Variants in FAM135A observed in about 807,000 individuals in gnomAD.
The protein encoded by FAM135A is family with sequence similarity 135 member A.
Under a neutral mutation model 146.8 loss-of-function variants are expected in FAM135A, and 79 were observed. That is an observed-to-expected ratio of 0.54 (90% confidence interval 0.45 to 0.65). The LOEUF (loss-of-function observed/expected upper bound fraction) is 0.65. FAM135A is among the 30% of genes least tolerant of loss of function. The pLI is 0.00. For synonymous variants in FAM135A, 562 were observed against 603.6 expected, an observed-to-expected ratio of 0.93 and a Z score of 1.01; for missense variants, 1,623 against 1,758.2, an observed-to-expected ratio of 0.92 and a Z score of 1.38.
chr6:70,543,335 T>G (rs1468339241), intron 20 of FAM135A, among the ~76,000 whole-genome samples: 1 of 152,174 alleles, frequency 6.6e-6, no homozygotes, highest in Admixed American at 6.5e-5. Flanking sequence ...TATTAATAGA[T>G]TTAGTTATTG....
intron 4 of FAM135A, among the ~76,000 whole-genome samples, chr6:70,451,368 T>G: frequency 6.6e-6 from 1 of 152,212 alleles, no homozygotes; most frequent in South Asian, 2.1e-4. Flanking sequence ...TGATCTTTAG[T>G]CAAAACCCTT....
intron 20 of FAM135A, among the ~76,000 whole-genome samples, chr6:70,538,952 A>G (rs752970000): frequency 2.8e-5 from 4 of 141,410 alleles, no homozygotes; most frequent in African/African-American, 7.6e-5. Context: ...CTTATTACTT[A>G]TTTTTTATTA....
chr6:70,528,206 C>G lies in FAM135A; in HGVS notation c.3615-86C>G, dbSNP rs577006719. On this transcript the variant is annotated intron_variant, in intron 15 of 21. Coordinates refer to ENST00000418814, the MANE Select transcript of FAM135A (RefSeq NM_001162529.3). ...TTTAAAACCAAATATTGTTGGGTTTCCACTTCTACAATTCTCTAAATTCAG... is the reference window on the plus strand; with the variant it reads ...TTTAAAACCAAATATTGTTGGGTTTGCACTTCTACAATTCTCTAAATTCAG... The G allele has an allele frequency of 1.3e-4, 176 of 1,310,684 alleles. No homozygotes were observed. The East Asian group carries it at 4.1e-3, about 30-fold the overall frequency. The allele number at this position is 1,310,684 out of a possible 1,614,324, so 81.2% of individuals were successfully genotyped here.
At chr6:70,518,023 G>A (rs1216124934) in intron 12 of FAM135A, among the ~76,000 whole-genome samples, 2 of 152,164 alleles carry the variant, frequency 1.3e-5, no homozygotes, top group Non-Finnish European at 2.9e-5. Flanking sequence ...TCAGAAGCTC[G>A]AGATGATTAA....
intron 4 of FAM135A, among the ~76,000 whole-genome samples, chr6:70,439,339 C>G (rs1429425270): frequency 6.6e-6 from 1 of 152,064 alleles, no homozygotes; most frequent in Non-Finnish European, 1.5e-5. Flanking sequence ...TGAATTGAAC[C>G]TTTTATCATT....
chr6:70,477,047 G>A (rs554748650), intron 7 of FAM135A, 112 bp from the exon 8 acceptor site: 18 of 1,160,894 alleles, frequency 1.6e-5, no homozygotes, highest in Admixed American at 3.2e-5. Context: ...ACTCTTATTC[G>A]AAATTTTTAA....
chr6:70,517,963 A>G (rs1402632135), intron 12 of FAM135A, among the ~76,000 whole-genome samples: 2 of 152,144 alleles, frequency 1.3e-5, no homozygotes, highest in Non-Finnish European at 2.9e-5. Context: ...ATATGCAATG[A>G]TCTCTAAGTG....
intron 5 of FAM135A, among the ~76,000 whole-genome samples, chr6:70,474,960 T>C (rs188700785): frequency 6.6e-6 from 1 of 152,238 alleles, no homozygotes; most frequent in Non-Finnish European, 1.5e-5. Context: ...TAGCATAAAC[T>C]AGGGGCCACC....
chr6:70,442,715 A>G (rs1182704759), intron 4 of FAM135A, among the ~76,000 whole-genome samples: 1 of 151,288 alleles, frequency 6.6e-6, no homozygotes, highest in African/African-American at 2.4e-5. Context: ...TTCGGGTGGT[A>G]ACACCTGAAT....
chr6:70,516,018 G>A (rs1458881984), intron 12 of FAM135A, among the ~76,000 whole-genome samples: 1 of 152,038 alleles, frequency 6.6e-6, no homozygotes, highest in East Asian at 1.9e-4. Flanking sequence ...TATCTCGATT[G>A]TAGATTATAT....
intron 5 of FAM135A, among the ~76,000 whole-genome samples, chr6:70,464,339 TATTAA>T (rs1315209414): frequency 6.6e-6 from 1 of 152,246 alleles, no homozygotes; most frequent in Non-Finnish European, 1.5e-5. Flanking sequence ...GGAAATAGGA[TATTAA>T]ATTAAGAAGT....
intron 2 of FAM135A, among the ~76,000 whole-genome samples, chr6:70,425,728 C>T (rs1769925445): frequency 6.6e-6 from 1 of 152,204 alleles, no homozygotes; most frequent in Non-Finnish European, 1.5e-5. Context: ...CACATACATA[C>T]ATATATGCAT....
chr6:70,453,138 C>T (rs893923610), intron 5 of FAM135A, among the ~76,000 whole-genome samples: 1 of 152,058 alleles, frequency 6.6e-6, no homozygotes, highest in African/African-American at 2.4e-5. Flanking sequence ...CATTTTTCAG[C>T]TTTCCCAATG....
At chr6:70,526,955 G>A (rs1420124180) in intron 15 of FAM135A, among the ~76,000 whole-genome samples, 2 of 152,010 alleles carry the variant, frequency 1.3e-5, no homozygotes. Context: ...GTTGCTGAAT[G>A]ATCGTGCTGT....
rs150168057 is a variant in FAM135A, at chr6:70,510,120, G to A, written c.1029+7329G>A. 5.2e-3 allele frequency among the ~76,000 whole-genome samples: 785 copies of A among 152,096 alleles called. 5 individuals carry two copies. Among genetic ancestry groups the A allele is most frequent in the South Asian group, 0.035 (169 of 4,828 alleles). Reference sequence around the variant, plus strand: ...ATAAAAAAATACTGTAGAACACTAAGTATGCTGCCGTTGGTCTAATAGCTA... The same window carrying A: ...ATAAAAAAATACTGTAGAACACTAAATATGCTGCCGTTGGTCTAATAGCTA... On this transcript the variant is annotated intron_variant, in intron 12 of 21. Transcript: ENST00000418814.
chr6:70,540,406 G>A (rs369370780), intron 20 of FAM135A, among the ~76,000 whole-genome samples: 410 of 139,458 alleles, frequency 2.9e-3, no homozygotes, highest in African/African-American at 0.01. Flanking sequence ...CTCGCTGCAA[G>A]CTCCGCCTCC....
chr6:70,445,836 G>A (rs182750660), intron 4 of FAM135A, among the ~76,000 whole-genome samples: 1 of 152,056 alleles, frequency 6.6e-6, no homozygotes, highest in African/African-American at 2.4e-5. Context: ...CAGTTTAATG[G>A]CCAGATTCGG....
intron 4 of FAM135A, among the ~76,000 whole-genome samples, chr6:70,429,618 A>G (rs186834913): frequency 2.0e-4 from 30 of 152,310 alleles, no homozygotes; most frequent in Admixed American, 1.9e-3. Context: ...GCAAGGTTAT[A>G]TTTGTGAAAG....
rs141476383 is a variant in FAM135A, at chr6:70,444,335, A to G, written c.78-8157A>G. 6.2e-3 allele frequency among the ~76,000 whole-genome samples: 944 copies of G among 152,268 alleles called. 2 individuals carry two copies. Among genetic ancestry groups the G allele is most frequent in the Middle Eastern group, 0.024 (7 of 294 alleles). ...TGAGAATTGCTTGAACCTGGGTGGT[A>G]CAGGTTGCATTGAGCAGAGATCATG... On this transcript the variant is annotated intron_variant, in intron 4 of 21. Transcript: ENST00000418814.
Sources: gnomAD v4.1 joint callset for allele counts (sites outside exome capture counted in the v4.1 genomes callset) on GRCh38, gnomAD v4.1.1 for gene constraint, MANE v1.5 for transcripts, NCBI Gene and HGNC (gene_info 2026-07-23, HGNC 2026-07-21) for gene names.